RARB: variants seen among roughly 807,000 people sequenced by gnomAD.
RARB encodes HBV-activated protein.
A neutral mutation model predicts 51.9 loss-of-function variants in RARB; 17 were observed. The ratio of observed to expected loss-of-function variants is 0.33; its 90% CI spans 0.22 to 0.49. The LOEUF is 0.49. Among genes scored for constraint, RARB ranks in the 20% least tolerant of loss-of-function variants. RARB has a pLI of 0.99. For synonymous variants in RARB, 215 were observed against 195.4 expected (o/e 1.10, Z -0.84); for missense variants, 369 against 550.8 (o/e 0.67, Z 3.30).
intron 5 of RARB, among the ~76,000 whole-genome samples, chr3:25,257,989 A>G (rs958764021): frequency 7.9e-5 from 12 of 152,138 alleles, no homozygotes; most frequent in African/African-American, 2.9e-4. Context: ...GCATTTACTG[A>G]CTTACGTTGT....
chr3:25,224,522 T>C (rs9834769), intron 5 of RARB, among the ~76,000 whole-genome samples: 2,938 of 152,280 alleles, frequency 0.019, 91 homozygotes, highest in African/African-American at 0.067. Flanking sequence ...ACCTTTGGCC[T>C]TTAAGATGTT....
At chr3:24,947,910 C>T (rs937863290) in intron 2 of RARB, among the ~76,000 whole-genome samples, 1 of 151,878 alleles carries the variant, frequency 6.6e-6, no homozygotes, top group African/African-American at 2.4e-5. Context: ...AAGAATAAGG[C>T]AAGGCTTGTA....
chr3:25,204,030 A>G (rs1575217018), intron 5 of RARB, among the ~76,000 whole-genome samples: 2 of 152,156 alleles, frequency 1.3e-5, no homozygotes, highest in East Asian at 1.9e-4. Flanking sequence ...GTGTTTTCCA[A>G]CTTGGTTCCA....
chr3:25,591,270 A>G (rs1178967128), intron 5 of RARB, among the ~76,000 whole-genome samples: 1 of 152,188 alleles, frequency 6.6e-6, no homozygotes, highest in Non-Finnish European at 1.5e-5. Context: ...TGATTTAGAT[A>G]TCTCTCTACC....
At chr3:25,575,726 C>T (rs1416477931) in intron 4 of RARB, among the ~76,000 whole-genome samples, 2 of 152,150 alleles carry the variant, frequency 1.3e-5, no homozygotes, top group Non-Finnish European at 2.9e-5. Flanking sequence ...TTAGGGCCCA[C>T]CCTAATTACC....
At chr3:25,594,489 TTTTG>T (rs1261192032) in intron 6 of RARB, 27 bp from the exon 7 acceptor site, 11 of 1,563,636 alleles carry the variant, frequency 7.0e-6, no homozygotes, top group Middle Eastern at 1.7e-4. Flanking sequence ...TAAATCCTGA[TTTTG>T]TTTAATACTT....
chr3:25,241,561 C>T (rs1250710279), intron 5 of RARB, among the ~76,000 whole-genome samples: 3 of 152,100 alleles, frequency 2.0e-5, no homozygotes, highest in Non-Finnish European at 4.4e-5. Context: ...TGAGAACATG[C>T]AGTGTTTGGT....
At chr3:25,260,151 G>T (rs980386670) in intron 5 of RARB, among the ~76,000 whole-genome samples, 1 of 152,076 alleles carries the variant, frequency 6.6e-6, no homozygotes, top group Non-Finnish European at 1.5e-5. Context: ...GATACCCGGT[G>T]GGCAGTGTTC....
In RARB at chr3:25,488,315, AAGGAAATGTTC is replaced by A. The variant is rs542541703; in HGVS notation, c.307-12864_307-12854del. On this transcript the variant is annotated intron_variant, in intron 2 of 7. Coordinates refer to ENST00000330688, the MANE Select transcript of RARB (RefSeq NM_000965.5). ...CCGAGGAAGAAGGCCAGCCATGTCC[AAGGAAATGTTC>A]AGTCCTGTTTCATCTAAGGAAAATA... Among the ~76,000 whole-genome samples, 49 of 152,388 alleles carry A rather than the reference AAGGAAATGTTC, an allele frequency of 3.2e-4. No homozygotes were observed. In the East Asian group the frequency reaches 7.3e-3, roughly 23 times the overall value.
intron 5 of RARB, among the ~76,000 whole-genome samples, chr3:25,178,412 G>A (rs930528887): frequency 1.3e-5 from 2 of 151,878 alleles, no homozygotes; most frequent in Admixed American, 6.6e-5. Context: ...TAATAGCCTC[G>A]ATGTCACTGC....
intron 5 of RARB, among the ~76,000 whole-genome samples, chr3:25,383,917 T>A (rs1706709439): frequency 6.9e-6 from 1 of 144,646 alleles, no homozygotes; most frequent in Admixed American, 7.0e-5. Context: ...GGGACAAGAG[T>A]GAGACTTTGT....
chr3:24,876,390 A>G (rs1182495874), intron 2 of RARB, among the ~76,000 whole-genome samples: 1 of 152,080 alleles, frequency 6.6e-6, no homozygotes, highest in Non-Finnish European at 1.5e-5. Context: ...TTTTTCCTAC[A>G]ATTAAGAGAT....
At chr3:24,926,413 G>T (rs545817978) in intron 2 of RARB, among the ~76,000 whole-genome samples, 2 of 152,060 alleles carry the variant, frequency 1.3e-5, no homozygotes, top group Non-Finnish European at 2.9e-5. Context: ...CAACAGTTTT[G>T]CCATCAAATA....
chr3:25,421,776 T>G (rs1707872344), intron 5 of RARB, among the ~76,000 whole-genome samples: 1 of 152,196 alleles, frequency 6.6e-6, no homozygotes, highest in Non-Finnish European at 1.5e-5. Context: ...GTAGGTACCA[T>G]TAATATTTAC....
intron 2 of RARB, among the ~76,000 whole-genome samples, chr3:24,916,785 AAC>A (rs1491394969): frequency 2.6e-5 from 4 of 151,746 alleles, no homozygotes; most frequent in African/African-American, 4.8e-5. Context: ...AAAAAAAAAA[AAC>A]CTTGTACAAG....
intron 5 of RARB, among the ~76,000 whole-genome samples, chr3:25,341,114 G>A (rs1705214279): frequency 6.6e-6 from 1 of 152,166 alleles, no homozygotes; most frequent in South Asian, 2.1e-4. Flanking sequence ...AGCTTCTTCT[G>A]TGTTGTACCT....
At chr3:24,935,055 G>A (rs1487946253) in intron 2 of RARB, among the ~76,000 whole-genome samples, 2 of 152,180 alleles carry the variant, frequency 1.3e-5, no homozygotes, top group South Asian at 2.1e-4. Flanking sequence ...TTGCATTAAC[G>A]TATGTTTTCC....
At chr3:25,246,290 GT>G (rs1702559252) in intron 5 of RARB, among the ~76,000 whole-genome samples, 1 of 151,998 alleles carries the variant, frequency 6.6e-6, no homozygotes, top group Admixed American at 6.6e-5. Flanking sequence ...GGAGGAGTTT[GT>G]TATTACCCAT....
intron 5 of RARB, among the ~76,000 whole-genome samples, chr3:25,332,056 T>C (rs150383099): frequency 0.06 from 9,187 of 151,962 alleles, 296 homozygotes; most frequent in African/African-American, 0.082. Context: ...CAAAAAAAGT[T>C]CAGGACCAGA....
Sources: gnomAD v4.1 joint callset for allele counts (sites outside exome capture counted in the v4.1 genomes callset) on GRCh38, gnomAD v4.1.1 for gene constraint, MANE v1.5 for transcripts, NCBI Gene and HGNC (gene_info 2026-07-23, HGNC 2026-07-21) for gene names.